OSBPL3: variants seen among roughly 807,000 people sequenced by gnomAD.
OSBPL3 encodes oxysterol binding protein like 3, also known as oxysterol-binding protein-related protein 3.
In OSBPL3, 65 loss-of-function variants were observed where a neutral mutation model predicts 120.1. The observed-to-expected ratio is 0.54, with a 90% confidence interval of 0.44 to 0.67. The LOEUF is 0.67. Ranked by LOEUF, OSBPL3 falls within the 30% of genes least tolerant of loss-of-function variation. The probability of loss-of-function intolerance (pLI) is 0.00; values close to 1 mark genes in which losing one functional copy is unlikely to be tolerated. For synonymous variants in OSBPL3, 416 were observed against 402.6 expected, an observed-to-expected ratio of 1.03 and a Z score of -0.40; for missense variants, 1,004 against 1,082.1, an observed-to-expected ratio of 0.93 and a Z score of 1.01.
Position 24,804,275 on chromosome 7 carries a change from C to T in OSBPL3, c.2567+40G>A, listed in dbSNP as rs1346434735. On this transcript the variant is annotated intron_variant, in intron 22 of 22. Coordinates refer to ENST00000313367, the MANE Select transcript of OSBPL3 (RefSeq NM_015550.4). This position sits in a 1 kb window ranked among gnomAD's most constrained non-coding sequence, Gnocchi z 5.4. ...AAACCAGAAGCATAACGTGCTGGCA[C>T]CACCTATCAACCAAAAACCTACTCA... is the stretch of plus-strand genomic sequence containing the variant. The T allele has an allele frequency of 5.6e-6, 9 of 1,612,968 alleles. No homozygotes were observed. The African/African-American group carries it at 8.0e-5, about 14-fold the overall frequency.
Position 24,830,856 on chromosome 7 carries a change from C to G in OSBPL3, c.1796G>C (p.Arg599Pro). 1 of 1,613,748 alleles carries G rather than the reference C, an allele frequency of 6.2e-7. No homozygotes were observed. The highest frequency in any genetic ancestry group is 8.5e-7 in the Non-Finnish European group (1 of 1,179,724). Reference sequence around the variant, plus strand: ...CGGATTAAATGGCTTGCTTCCAGCTCGGTAGTAGCTAGATGCATACGCTGA... The same window carrying G: ...CGGATTAAATGGCTTGCTTCCAGCTGGGTAGTAGCTAGATGCATACGCTGA... The part of the protein sequence containing the change: ...AISAYASSYY[R>P]AGSKPFNPVL... Residue 599 changes from arginine to proline, a missense_variant, in exon 16 of 23, where the codon CGA (arginine) becomes CCA (proline). Transcript: ENST00000313367. The surrounding 1 kb of genome is among the most constrained non-coding windows in gnomAD (Gnocchi z 4.4).
intron 14 of OSBPL3, among the ~76,000 whole-genome samples, chr7:24,836,324 G>A (rs1796992342): frequency 6.6e-6 from 1 of 152,194 alleles, no homozygotes; most frequent in South Asian, 2.1e-4. Context: ...TTGTCAGGTG[G>A]ACAGTGTAAC....
intron 1 of OSBPL3, among the ~76,000 whole-genome samples, chr7:24,949,696 G>T (rs151131782): frequency 6.6e-6 from 1 of 152,250 alleles, no homozygotes; most frequent in African/African-American, 2.4e-5. Flanking sequence ...AACTCAGCCT[G>T]AAGGCAAGAG....
Position 24,979,876 on chromosome 7 carries a change from C to A in OSBPL3, c.-150+10G>T. Reference sequence around the variant, plus strand: ...CCAGGCCCCATTTAGGCGGGCGCCCCGCCACTCACCTGAGCGCTGTGCAGC... The same window carrying A: ...CCAGGCCCCATTTAGGCGGGCGCCCAGCCACTCACCTGAGCGCTGTGCAGC... On this transcript the variant is annotated intron_variant, in intron 1 of 22. Transcript: ENST00000313367. The A allele has an allele frequency of 2.0e-6, 2 of 985,566 alleles. No individual in the cohort carries two copies. The highest frequency in any genetic ancestry group is 2.4e-6 in the Non-Finnish European group (2 of 830,086). The allele number at this position is 985,566 out of a possible 1,614,324, so 61.1% of individuals were successfully genotyped here. A position where few individuals can be genotyped will look rare whatever the true frequency, so the allele number is the denominator to read the frequency against.
rs1325098657 is a variant in OSBPL3 at position 24,955,103 on chromosome 7, AG to A, written c.-150+24782del. ...GCCTTATCTCAAGTTTCATGAAAGC[AG>A]GGATTTTCTTTTGTTCACTACTATA... On this transcript the variant is annotated intron_variant, in intron 1 of 22. Coordinates refer to ENST00000313367, the MANE Select transcript of OSBPL3 (RefSeq NM_015550.4). The surrounding 1 kb of genome is among the most constrained non-coding windows in gnomAD (Gnocchi z 4.3). Among the ~76,000 whole-genome samples, 1 of 152,232 alleles carries A rather than the reference AG, an allele frequency of 6.6e-6. No individual in the cohort carries two copies. Among genetic ancestry groups the A allele is most frequent in the African/African-American group, 2.4e-5 (1 of 41,462 alleles).
At position 24,842,397 on chromosome 7, in the gene OSBPL3, T is replaced by TC; in HGVS notation, c.1282dup (p.Glu428GlyfsTer11). The TC allele has an allele frequency of 6.2e-7, 1 of 1,608,414 alleles. No individual in the cohort carries two copies. The highest frequency in any genetic ancestry group is 8.5e-7 in the Non-Finnish European group (1 of 1,178,462). On this transcript the variant is annotated frameshift_variant, in exon 13 of 23. Coordinates refer to ENST00000313367, the MANE Select transcript of OSBPL3 (RefSeq NM_015550.4). LOFTEE classifies it high-confidence loss of function. Reference sequence around the variant, plus strand: ...AAGCTGATGAACTAGAGCTCGGTTTTCATCTCTGGAGTTTTCCTATTTGAA... The same window carrying TC: ...AAGCTGATGAACTAGAGCTCGGTTTTCCATCTCTGGAGTTTTCCTATTTGAA...
intron 16 of OSBPL3, among the ~76,000 whole-genome samples, chr7:24,823,857 T>A (rs1191221103): frequency 6.6e-6 from 1 of 152,250 alleles, no homozygotes; most frequent in Admixed American, 6.5e-5. Flanking sequence ...TAATCTTTGT[T>A]GATGGCAATC....
At position 24,803,396 on chromosome 7, in the gene OSBPL3, T is replaced by TC. The variant is rs1792617297; in HGVS notation, c.2567+918dup. ...GTATTATACCGAGTCCTTCAACAGATCCCCCACCTGCCTTGAGCTTTCTCT... is the reference window on the plus strand; with the variant it reads ...GTATTATACCGAGTCCTTCAACAGATCCCCCCACCTGCCTTGAGCTTTCTCT... On this transcript the variant is annotated intron_variant, in intron 22 of 22. Coordinates refer to ENST00000313367, the MANE Select transcript of OSBPL3 (RefSeq NM_015550.4). This position sits in a 1 kb window ranked among gnomAD's most constrained non-coding sequence, Gnocchi z 4.2. 6.6e-6 allele frequency among the ~76,000 whole-genome samples: 1 copy of TC among 152,102 alleles called. No homozygotes were observed. Among genetic ancestry groups the TC allele is most frequent in the Non-Finnish European group, 1.5e-5 (1 of 68,012 alleles).
intron 1 of OSBPL3, among the ~76,000 whole-genome samples, chr7:24,973,111 T>C (rs1039282854): frequency 5.3e-5 from 8 of 152,186 alleles, no homozygotes; most frequent in African/African-American, 1.9e-4. Flanking sequence ...TCATTGCAAT[T>C]TGATTCTGCT....
chr7:24,825,272 G>A (rs536859198), intron 16 of OSBPL3, among the ~76,000 whole-genome samples: 2 of 152,320 alleles, frequency 1.3e-5, no homozygotes, highest in South Asian at 2.1e-4. Context: ...GAGAGAAAGT[G>A]AAAATGGCTG....
chr7:24,927,740 AT>A (rs1441921164), intron 1 of OSBPL3, among the ~76,000 whole-genome samples: 1 of 152,192 alleles, frequency 6.6e-6, no homozygotes, highest in Non-Finnish European at 1.5e-5. Context: ...ACTACAGAAA[AT>A]TCAATGGCAT....
In OSBPL3 at chr7:24,800,497, T is replaced by A. The variant is rs989727757; in HGVS notation, c.2568-218A>T. Among the ~76,000 whole-genome samples the A allele has an allele frequency of 2.1e-5, 3 of 143,896 alleles. No individual in the cohort carries two copies. The Admixed American group carries it at 2.2e-4, about 10-fold the overall frequency. 94.4% of individuals were successfully genotyped at this position (143,896 alleles called of 152,430 possible). A position where few individuals can be genotyped will look rare whatever the true frequency, so the allele number is the denominator to read the frequency against. ...TTTGAGATGGAGGCTCGCTCTGTCA[T>A]CCAGGCTGGAGTGTAGTGGCATGAT... On this transcript the variant is annotated intron_variant, in intron 22 of 22. Transcript: ENST00000313367.
chr7:24,940,823 T>TC lies in OSBPL3; in HGVS notation c.-150+39062_-150+39063insG, dbSNP rs1813000632. 6.6e-6 allele frequency among the ~76,000 whole-genome samples: 1 copy of TC among 150,378 alleles called. No homozygotes were observed. Among genetic ancestry groups the TC allele is most frequent in the Admixed American group, 6.6e-5 (1 of 15,098 alleles). Reference sequence around the variant, plus strand: ...AACATTTCTTCCTTTTTTTTCTTTTTTTTTTTGTGTGTGTGTGACGGAGTC... The same window carrying TC: ...AACATTTCTTCCTTTTTTTTCTTTTTCTTTTTTGTGTGTGTGTGACGGAGTC... On this transcript the variant is annotated intron_variant, in intron 1 of 22. Coordinates refer to ENST00000313367, the MANE Select transcript of OSBPL3 (RefSeq NM_015550.4). The surrounding 1 kb of genome is among the most constrained non-coding windows in gnomAD (Gnocchi z 4.4).
rs1803973595 is a variant in OSBPL3, at chr7:24,883,147, T to A, written c.96+9230A>T. ...GGCCCCAGGGACCACGGGGCCAAGA[T>A]GTGCCAGGAATGTGATTCATCTGAA... On this transcript the variant is annotated intron_variant, in intron 2 of 22. Transcript: ENST00000313367. This position sits in a 1 kb window ranked among gnomAD's most constrained non-coding sequence, Gnocchi z 5.4. Among the ~76,000 whole-genome samples the A allele has an allele frequency of 6.6e-6, 1 of 152,220 alleles. No homozygotes were observed. Among genetic ancestry groups the A allele is most frequent in the Non-Finnish European group, 1.5e-5 (1 of 68,036 alleles).
rs1299372262 is a variant in OSBPL3, at chr7:24,799,904, T to C, written c.*279A>G. The C allele has an allele frequency of 1.2e-5, 2 of 169,268 alleles. No individual in the cohort carries two copies. Among genetic ancestry groups the C allele is most frequent in the Non-Finnish European group, 2.5e-5 (2 of 79,234 alleles). The allele number at this position is 169,268 out of a possible 1,614,324, so 10.5% of individuals were successfully genotyped here. ...GAAAATTAGTGTTAAAGCTTCTTTT[T>C]TTAACCCACACATGAACATTCAATC... is the stretch of plus-strand genomic sequence containing the variant. On this transcript the variant is annotated 3_prime_UTR_variant, in exon 23 of 23. Coordinates refer to ENST00000313367, the MANE Select transcript of OSBPL3 (RefSeq NM_015550.4). The surrounding 1 kb of genome is among the most constrained non-coding windows in gnomAD (Gnocchi z 5.3).
rs568592749 is a variant in OSBPL3 at position 24,972,502 on chromosome 7, T to C, written c.-150+7384A>G. Among the ~76,000 whole-genome samples the C allele has an allele frequency of 6.6e-6, 1 of 152,366 alleles. No homozygotes were observed. The highest frequency in any genetic ancestry group is 6.5e-5 in the Admixed American group (1 of 15,302). On this transcript the variant is annotated intron_variant, in intron 1 of 22. Coordinates refer to ENST00000313367, the MANE Select transcript of OSBPL3 (RefSeq NM_015550.4). This position sits in a 1 kb window ranked among gnomAD's most constrained non-coding sequence, Gnocchi z 4.3. ...ATTCTCTGCAACTCTTTAATGTCTA[T>C]ATCCCCTTCTAGTCTGTAAGCTCCT...
At chr7:24,836,670 GATAT>G (rs1313485295) in intron 14 of OSBPL3, among the ~76,000 whole-genome samples, 5 of 151,844 alleles carry the variant, frequency 3.3e-5, no homozygotes, top group African/African-American at 1.2e-4. Context: ...ATACTTTGTT[GATAT>G]ATATTTTATT....
intron 1 of OSBPL3, among the ~76,000 whole-genome samples, chr7:24,934,890 T>C (rs925028150): frequency 6.6e-6 from 1 of 152,186 alleles, no homozygotes; most frequent in African/African-American, 2.4e-5. Flanking sequence ...GGGGACTTAA[T>C]TATTTCTACT....
At chr7:24,850,756 T>C (rs937113202) in intron 11 of OSBPL3, among the ~76,000 whole-genome samples, 2 of 152,214 alleles carry the variant, frequency 1.3e-5, no homozygotes, top group Non-Finnish European at 2.9e-5. Flanking sequence ...TTTATTAGTT[T>C]TTCTTTCCTT....
Sources: allele counts gnomAD v4.1 joint callset (sites outside exome capture counted in the v4.1 genomes callset), GRCh38; gene constraint gnomAD v4.1.1; non-coding constraint Gnocchi (gnomAD v3.1); transcripts MANE v1.5; gene names NCBI Gene and HGNC (gene_info 2026-07-23, HGNC 2026-07-21).